The following WNT3A variants were observed in gnomAD, a reference collection of about 807,000 sequenced individuals.
The protein encoded by WNT3A is protein Wnt-3a.
A neutral mutation model predicts 37.0 loss-of-function variants in WNT3A; 17 were observed. The ratio of observed to expected loss-of-function variants is 0.46; its 90% CI spans 0.31 to 0.69. The LOEUF is 0.69. Ranked by LOEUF, WNT3A falls within the 30% of genes least tolerant of loss-of-function variation. WNT3A has a pLI of 0.05. For synonymous variants in WNT3A, 187 were observed against 211.0 expected (o/e 0.89, Z 0.99); for missense variants, 411 against 510.2 (o/e 0.81, Z 1.87).
chr1:228,030,549 C>T (rs774435458), intron 2 of WNT3A, among the ~76,000 whole-genome samples: 2 of 152,154 alleles, frequency 1.3e-5, no homozygotes, highest in Admixed American at 6.5e-5. Context: ...GATGTGTCCT[C>T]GCCGGGCACT....
chr1:228,023,756 C>A (rs114050583), intron 2 of WNT3A, among the ~76,000 whole-genome samples: 2 of 152,190 alleles, frequency 1.3e-5, no homozygotes, highest in East Asian at 3.8e-4. Context: ...GCAACCATCA[C>A]CTGCCTAGTT....
At chr1:228,023,769 A>G (rs2030789760) in intron 2 of WNT3A, among the ~76,000 whole-genome samples, 1 of 152,242 alleles carries the variant, frequency 6.6e-6, no homozygotes. Context: ...GCCTAGTTCC[A>G]AAATATCTTT....
chr1:228,059,641 C>A lies in WNT3A; in HGVS notation c.*176C>A. Reference sequence around the variant, plus strand: ...ACTCCTACCTGAAGGCAGGGCTCCTCCCTGGAGCTAGTGTCTCCTCTCTGG... The same window carrying A: ...ACTCCTACCTGAAGGCAGGGCTCCTACCTGGAGCTAGTGTCTCCTCTCTGG... On this transcript the variant is annotated 3_prime_UTR_variant, in exon 4 of 4. Transcript: ENST00000284523. The A allele has an allele frequency of 4.4e-6, 6 of 1,379,166 alleles. No homozygotes were observed. Among genetic ancestry groups the A allele is most frequent in the Non-Finnish European group, 5.6e-6 (6 of 1,074,562 alleles). 85.4% of individuals were successfully genotyped at this position (1,379,166 alleles called of 1,614,324 possible). A position where few individuals can be genotyped will look rare whatever the true frequency, so the allele number is the denominator to read the frequency against.
At position 228,060,399 on chromosome 1, in the gene WNT3A, C is replaced by T; in HGVS notation, c.*934C>T. 1 of 967,608 alleles carries T rather than the reference C, an allele frequency of 1.0e-6. No individual in the cohort carries two copies. Among genetic ancestry groups the T allele is most frequent in the Non-Finnish European group, 1.4e-6 (1 of 699,404 alleles). 59.9% of individuals were successfully genotyped at this position (967,608 alleles called of 1,614,324 possible). On this transcript the variant is annotated 3_prime_UTR_variant, in exon 4 of 4. Transcript: ENST00000284523. ...GCTCCAGGCGCGCCGACGCCTGTGC[C>T]ACCCCTTCCTCAGCCTGGGGTTTGA...
chr1:228,034,688 A>T (rs1245776040), intron 2 of WNT3A, among the ~76,000 whole-genome samples: 1 of 152,196 alleles, frequency 6.6e-6, no homozygotes, highest in Non-Finnish European at 1.5e-5. Flanking sequence ...GAATTTTTTT[A>T]GAGTTATATA....
chr1:228,042,364 C>T lies in WNT3A; in HGVS notation c.314-8292C>T, dbSNP rs1191112465. ...ATTCCTCATTCAGCCCAGTGCCTGG[C>T]TCATTAGGGACTCTCAGATCCTGGA... On this transcript the variant is annotated intron_variant, in intron 2 of 3. Coordinates refer to ENST00000284523, the MANE Select transcript of WNT3A (RefSeq NM_033131.4). The surrounding 1 kb of genome is among the most constrained non-coding windows in gnomAD (Gnocchi z 5.2). Among the ~76,000 whole-genome samples, 1 of 152,154 alleles carries T rather than the reference C, an allele frequency of 6.6e-6. No homozygotes were observed. The highest frequency in any genetic ancestry group is 1.5e-5 in the Non-Finnish European group (1 of 68,024).
intron 2 of WNT3A, among the ~76,000 whole-genome samples, chr1:228,029,978 T>C (rs1225300904): frequency 6.6e-6 from 1 of 152,090 alleles, no homozygotes; most frequent in African/African-American, 2.4e-5. Context: ...CAGTGCCTTG[T>C]AGTCCTAGCT....
rs112985674 is a variant in WNT3A at position 228,030,951 on chromosome 1, T to C, written c.313+8043T>C. Among the ~76,000 whole-genome samples, 1,156 of 152,346 alleles carry C rather than the reference T, an allele frequency of 7.6e-3. 20 individuals carry two copies. Among genetic ancestry groups the C allele is most frequent in the African/African-American group, 0.027 (1,108 of 41,580 alleles). ...ACAAGTCCTTTGGAGGGGAGGTGCCTGGCCCTGGGGGGCCTGGCATGTGCA... is the reference window on the plus strand; with the variant it reads ...ACAAGTCCTTTGGAGGGGAGGTGCCCGGCCCTGGGGGGCCTGGCATGTGCA... On this transcript the variant is annotated intron_variant, in intron 2 of 3. Coordinates refer to ENST00000284523, the MANE Select transcript of WNT3A (RefSeq NM_033131.4).
intron 2 of WNT3A, among the ~76,000 whole-genome samples, chr1:228,041,409 G>A (rs1359472297): frequency 1.3e-5 from 2 of 150,866 alleles, no homozygotes; most frequent in Non-Finnish European, 3.0e-5. Flanking sequence ...CATCATGCAC[G>A]ATCCACCATC....
At chr1:228,029,306 A>G (rs1448297217) in intron 2 of WNT3A, among the ~76,000 whole-genome samples, 1 of 152,098 alleles carries the variant, frequency 6.6e-6, no homozygotes. Context: ...CCACCACTCG[A>G]TGGAGCATCA....
At chr1:228,057,456 C>A (rs1336285779) in intron 3 of WNT3A, among the ~76,000 whole-genome samples, 1 of 152,188 alleles carries the variant, frequency 6.6e-6, no homozygotes, top group African/African-American at 2.4e-5. Flanking sequence ...GTCTTGGAAA[C>A]TGTTGGACTC....
Position 228,007,551 on chromosome 1 carries a change from G to C in WNT3A, c.71+352G>C, listed in dbSNP as rs766362070. On this transcript the variant is annotated intron_variant, in intron 1 of 3. Transcript: ENST00000284523. This position sits in a 1 kb window ranked among gnomAD's most constrained non-coding sequence, Gnocchi z 6.0. ...AGGGGACAGGCAGCTCGAGGCCAGGGGACAGGCGAGGGAAGAGGGCCAGCG... is the reference window on the plus strand; with the variant it reads ...AGGGGACAGGCAGCTCGAGGCCAGGCGACAGGCGAGGGAAGAGGGCCAGCG... Among the ~76,000 whole-genome samples, 2 of 152,282 alleles carry C rather than the reference G, an allele frequency of 1.3e-5. No homozygotes were observed. Among genetic ancestry groups the C allele is most frequent in the South Asian group, 4.1e-4 (2 of 4,832 alleles).
At chr1:228,023,274 A>AAGAGAGACAGAGAGAAAGACAG (rs2030767954) in intron 2 of WNT3A, among the ~76,000 whole-genome samples, 1 of 151,406 alleles carries the variant, frequency 6.6e-6, no homozygotes, top group South Asian at 2.1e-4. Context: ...CTAGAGAAGA[A>AAGAGAGACAGAGAGAAAGACAG]AGAGAGACAG....
At chr1:228,041,889 G>C (rs926397493) in intron 2 of WNT3A, among the ~76,000 whole-genome samples, 1 of 152,194 alleles carries the variant, frequency 6.6e-6, no homozygotes, top group African/African-American at 2.4e-5. Context: ...TCCAACCTCT[G>C]TTTTATTATC....
chr1:228,013,386 G>A (rs1303365476), intron 1 of WNT3A, among the ~76,000 whole-genome samples: 2 of 152,202 alleles, frequency 1.3e-5, no homozygotes, highest in Non-Finnish European at 2.9e-5. Context: ...CACCCTGGAG[G>A]TGTCTCTCAC....
chr1:228,059,539 T>C lies in WNT3A; in HGVS notation c.*74T>C. 7.0e-7 allele frequency: 1 copy of C among 1,435,828 alleles called. No individual in the cohort carries two copies. The highest frequency in any genetic ancestry group is 1.5e-5 in the South Asian group (1 of 67,658). 88.9% of individuals were successfully genotyped at this position (1,435,828 alleles called of 1,614,324 possible). A position where few individuals can be genotyped will look rare whatever the true frequency, so the allele number is the denominator to read the frequency against. On this transcript the variant is annotated 3_prime_UTR_variant, in exon 4 of 4. Coordinates refer to ENST00000284523, the MANE Select transcript of WNT3A (RefSeq NM_033131.4). ...GGCTTTTCCCTGGGTGGAGCAGGACTCCCACCTAAACGGGGCAGTACTCCT... is the reference window on the plus strand; with the variant it reads ...GGCTTTTCCCTGGGTGGAGCAGGACCCCCACCTAAACGGGGCAGTACTCCT...
At position 228,059,375 on chromosome 1, in the gene WNT3A, C is replaced by G; in HGVS notation, c.969C>G (p.Arg323=). ...GCCACAACGCGCGAGCGGAGCGGCG[C>G]CGGGAGAAGTGCCGCTGCGTGTTCC... is the stretch of plus-strand genomic sequence containing the variant. ...GRGHNARAER[R]REKCRCVFHW... The change falls in exon 4 of 4, where the codon CGC becomes CGG. Residue 323 remains arginine, a synonymous_variant. Transcript: ENST00000284523. 6.4e-7 allele frequency: 1 copy of G among 1,562,390 alleles called. No homozygotes were observed. Among genetic ancestry groups the G allele is most frequent in the Non-Finnish European group, 8.6e-7 (1 of 1,158,126 alleles).
chr1:228,018,546 C>T (rs944401086), intron 1 of WNT3A, among the ~76,000 whole-genome samples: 4 of 152,108 alleles, frequency 2.6e-5, no homozygotes, highest in Non-Finnish European at 5.9e-5. Flanking sequence ...GTGTGTGCCA[C>T]CACACCCAGC....
At position 228,023,570 on chromosome 1, in the gene WNT3A, CAG is replaced by C. The variant is rs573014966; in HGVS notation, c.313+670_313+671del. On this transcript the variant is annotated intron_variant, in intron 2 of 3. Coordinates refer to ENST00000284523, the MANE Select transcript of WNT3A (RefSeq NM_033131.4). Reference sequence around the variant, plus strand: ...AGAAATAGAGAGAGACAAAGAGGGACAGAGAGAGACACAGAGAGAGAAACTGA... The same window carrying C: ...AGAAATAGAGAGAGACAAAGAGGGACAGAGAGACACAGAGAGAGAAACTGA... 2.9e-3 allele frequency among the ~76,000 whole-genome samples: 436 copies of C among 151,732 alleles called. 6 individuals are homozygous for C. The highest frequency in any genetic ancestry group is 0.01 in the African/African-American group (427 of 41,378).
Sources: allele counts gnomAD v4.1 joint callset (sites outside exome capture counted in the v4.1 genomes callset), GRCh38; gene constraint gnomAD v4.1.1; non-coding constraint Gnocchi (gnomAD v3.1); transcripts MANE v1.5; gene names NCBI Gene and HGNC (gene_info 2026-07-23, HGNC 2026-07-21).